STAC: variants seen among roughly 807,000 people sequenced by gnomAD.
STAC encodes SH3 and cysteine rich domain, also known as SH3 and cysteine-rich domain-containing protein.
A neutral mutation model predicts 48.8 loss-of-function variants in STAC; 43 were observed. The ratio of observed to expected loss-of-function variants is 0.88; its 90% confidence interval spans 0.69 to 1.14. STAC has a LOEUF of 1.14. Ranked by LOEUF, STAC falls within the 50% of genes most tolerant of loss-of-function variation. The pLI is 0.00. For missense variants in STAC, 497 were observed against 504.0 expected, an observed-to-expected ratio of 0.99 and a Z score of 0.13; for synonymous variants, 193 against 179.5, an observed-to-expected ratio of 1.07 and a Z score of -0.60.
chr3:36,392,536 A>G (rs1035447937), intron 1 of STAC, among the ~76,000 whole-genome samples: 6 of 151,634 alleles, frequency 4.0e-5, no homozygotes, highest in African/African-American at 1.5e-4. Flanking sequence ...TTACTTACTT[A>G]TTTATTTATT....
chr3:36,531,817 G>A (rs1489481580), intron 10 of STAC, among the ~76,000 whole-genome samples: 2 of 152,126 alleles, frequency 1.3e-5, no homozygotes, highest in Non-Finnish European at 2.9e-5. Flanking sequence ...GGAGAAGTGA[G>A]GAGAGACCTA....
intron 2 of STAC, among the ~76,000 whole-genome samples, chr3:36,481,117 T>C (rs765914680): frequency 2.0e-5 from 3 of 152,132 alleles, no homozygotes; most frequent in African/African-American, 4.8e-5. Flanking sequence ...TGAAGAGTGA[T>C]GGAAACAGCA....
At chr3:36,475,676 A>T (rs1697474846) in intron 2 of STAC, among the ~76,000 whole-genome samples, 1 of 152,262 alleles carries the variant, frequency 6.6e-6, no homozygotes, top group African/African-American at 2.4e-5. Flanking sequence ...GAGGAGGCAG[A>T]GGCCAACACA....
rs369319987 is a variant in STAC, at chr3:36,419,073, C to T, written c.112-24291C>T. On this transcript the variant is annotated intron_variant, in intron 1 of 10. Transcript: ENST00000273183. ...AAAAAAAAAAAAAAAAAGAAATTAT[C>T]TTCAATAGTCTAATGTCATGTTATT... Among the ~76,000 whole-genome samples the T allele has an allele frequency of 1.9e-4, 28 of 150,210 alleles. 1 individual carries two copies. Among genetic ancestry groups the T allele is most frequent in the African/African-American group, 6.6e-4 (27 of 41,026 alleles).
chr3:36,473,896 T>A (rs948613749), intron 2 of STAC, among the ~76,000 whole-genome samples: 21 of 152,140 alleles, frequency 1.4e-4, no homozygotes, highest in Non-Finnish European at 2.4e-4. Flanking sequence ...CAATATCATT[T>A]TAAAAAACAA....
At chr3:36,387,578 T>C (rs1699644616) in intron 1 of STAC, among the ~76,000 whole-genome samples, 1 of 152,118 alleles carries the variant, frequency 6.6e-6, no homozygotes, top group Non-Finnish European at 1.5e-5. Flanking sequence ...ATAAGAGAAA[T>C]CATATAATAT....
chr3:36,420,349 T>G (rs1303040490), intron 1 of STAC, among the ~76,000 whole-genome samples: 1 of 152,200 alleles, frequency 6.6e-6, no homozygotes, highest in Non-Finnish European at 1.5e-5. Context: ...TAACCTGACT[T>G]CCTTTTTCAG....
At position 36,528,697 on chromosome 3, in the gene STAC, C is replaced by G; in HGVS notation, c.922C>G (p.Pro308Ala). ...PQENEDLEMR[P>A]GDIITLLEDS... ...TAACTCATTCATTCTTCATTTTAGG[C>G]CAGGAGACATAATTACTCTTTTAGA... Residue 308 changes from proline (P) to alanine (A), a missense_variant and splice_region_variant, in exon 9 of 11, where the codon CCA (proline) becomes GCA (alanine). By Grantham distance (27) the Pro-to-Ala change is conservative. Transcript: ENST00000273183. The G allele has an allele frequency of 6.3e-7, 1 of 1,596,478 alleles. No individual in the cohort carries two copies. Among genetic ancestry groups the G allele is most frequent in the Non-Finnish European group, 8.5e-7 (1 of 1,172,838 alleles).
At chr3:36,417,692 C>T (rs988194222) in intron 1 of STAC, among the ~76,000 whole-genome samples, 7 of 152,108 alleles carry the variant, frequency 4.6e-5, no homozygotes, top group African/African-American at 1.4e-4. Context: ...ATTCTCTTCA[C>T]CGGGTTCCAG....
intron 2 of STAC, among the ~76,000 whole-genome samples, chr3:36,448,369 G>C (rs547899152): frequency 0.012 from 1,898 of 151,902 alleles, 19 homozygotes; most frequent in Non-Finnish European, 0.018. Flanking sequence ...TTACAGGCAG[G>C]TGCCACTGTC....
chr3:36,452,946 G>A (rs1575209749), intron 2 of STAC, among the ~76,000 whole-genome samples: 3 of 152,324 alleles, frequency 2.0e-5, no homozygotes, highest in Admixed American at 1.3e-4. Flanking sequence ...GCTCTCCCTG[G>A]CCTTCCAAGG....
intron 3 of STAC, 126 bp from the exon 4 acceptor site, chr3:36,484,851 C>T (rs1434553879): frequency 6.7e-6 from 4 of 594,414 alleles, no homozygotes; most frequent in African/African-American, 1.9e-5. Flanking sequence ...TAGGATAAGT[C>T]GGCATGTTAA....
At chr3:36,401,990 T>C (rs1256212119) in intron 1 of STAC, among the ~76,000 whole-genome samples, 3 of 152,168 alleles carry the variant, frequency 2.0e-5, no homozygotes, top group Non-Finnish European at 4.4e-5. Context: ...GACAAAACTA[T>C]AGAGGTGGAG....
chr3:36,547,571 C>A lies in STAC; in HGVS notation c.*1282C>A, dbSNP rs1023623144. 1 of 152,654 alleles carries A rather than the reference C, an allele frequency of 6.6e-6. No homozygotes were observed. The highest frequency in any genetic ancestry group is 2.4e-5 in the African/African-American group (1 of 41,464). 9.5% of individuals were successfully genotyped at this position (152,654 alleles called of 1,614,324 possible). On this transcript the variant is annotated 3_prime_UTR_variant, in exon 11 of 11. Transcript: ENST00000273183. ...ACATGGTTAAACTTCAATTCACAATCACCTTGGAATCAATGTCAGTTTGAT... is the reference window on the plus strand; with the variant it reads ...ACATGGTTAAACTTCAATTCACAATAACCTTGGAATCAATGTCAGTTTGAT...
chr3:36,398,300 A>AAAGAAAGAAAGAAAGC (rs1559476811), intron 1 of STAC, among the ~76,000 whole-genome samples: 13 of 104,834 alleles, frequency 1.2e-4, no homozygotes, highest in Admixed American at 9.8e-4. Flanking sequence ...GTTAAAAAAG[A>AAAGAAAGAAAGAAAGC]AAGAAAGAAA....
At chr3:36,480,470 A>G (rs902492660) in intron 2 of STAC, among the ~76,000 whole-genome samples, 1 of 152,196 alleles carries the variant, frequency 6.6e-6, no homozygotes, top group Non-Finnish European at 1.5e-5. Flanking sequence ...CTCTTTTCTC[A>G]TTCAGAGGTT....
intron 1 of STAC, among the ~76,000 whole-genome samples, chr3:36,432,689 T>A (rs1184226857): frequency 4.0e-5 from 6 of 149,388 alleles, no homozygotes; most frequent in African/African-American, 1.5e-4. Flanking sequence ...GGTGACAGAG[T>A]GAGACTCCGT....
intron 10 of STAC, among the ~76,000 whole-genome samples, chr3:36,529,664 T>C (rs1014147655): frequency 1.3e-5 from 2 of 152,154 alleles, no homozygotes; most frequent in Non-Finnish European, 2.9e-5. Context: ...ATGGCTGGAA[T>C]GTTGATAGAG....
intron 3 of STAC, among the ~76,000 whole-genome samples, chr3:36,484,414 G>C (rs1281207164): frequency 2.0e-5 from 3 of 152,166 alleles, no homozygotes; most frequent in Non-Finnish European, 4.4e-5. Flanking sequence ...TGCCTCCCCT[G>C]CTTCCCCTTC....
Sources: allele counts gnomAD v4.1 joint callset (sites outside exome capture counted in the v4.1 genomes callset), GRCh38; gene constraint gnomAD v4.1.1; transcripts MANE v1.5; gene names NCBI Gene and HGNC (gene_info 2026-07-23, HGNC 2026-07-21).